Variants in DPP6 observed in about 807,000 individuals in gnomAD.
The protein encoded by DPP6 is A-type potassium channel modulatory protein DPP6.
In DPP6, 69 loss-of-function variants were observed where a neutral mutation model predicts 122.6. The observed-to-expected ratio is 0.56, with a 90% CI of 0.46 to 0.69. The LOEUF is 0.69. DPP6 is among the 30% of genes least tolerant of loss of function. The probability of loss-of-function intolerance (pLI) is 0.00; values close to 1 mark genes in which losing one functional copy is unlikely to be tolerated. For synonymous variants in DPP6, 418 were observed against 433.1 expected (o/e 0.97, Z 0.43); for missense variants, 928 against 1,116.9 (o/e 0.83, Z 2.41).
chr7:154,182,172 T>C (rs932057966), intron 1 of DPP6, among the ~76,000 whole-genome samples: 4 of 152,148 alleles, frequency 2.6e-5, no homozygotes, highest in Non-Finnish European at 5.9e-5. Flanking sequence ...CTTAGGAAAT[T>C]GCAAAATACC....
rs539094310 is a variant in DPP6 at position 154,875,986 on chromosome 7, C to T, written c.1964C>T (p.Ala655Val). The T allele has an allele frequency of 3.2e-5, 52 of 1,613,586 alleles. No homozygotes were observed. In the East Asian group the frequency reaches 5.8e-4, roughly 18 times the overall value. ...WETVMVSSHG[A>V]VVVKCDGRGS... ...ACGGTGATGGTGAGCAGCCACGGCGCGGTGGTGGTAAAGTGTGACGGCCGT... is the reference window on the plus strand; with the variant it reads ...ACGGTGATGGTGAGCAGCCACGGCGTGGTGGTGGTAAAGTGTGACGGCCGT... Residue 655 changes from alanine to valine, a missense_variant, in exon 20 of 26, where the codon GCG (alanine) becomes GTG (valine). Transcript: ENST00000377770. This position sits in a 1 kb window ranked among gnomAD's most constrained non-coding sequence, Gnocchi z 4.5.
Position 154,875,161 on chromosome 7 carries a change from G to T in DPP6, c.1884-745G>T, listed in dbSNP as rs73487835. On this transcript the variant is annotated intron_variant, in intron 19 of 25. Coordinates refer to ENST00000377770, the MANE Select transcript of DPP6 (RefSeq NM_130797.4). This position sits in a 1 kb window ranked among gnomAD's most constrained non-coding sequence, Gnocchi z 4.5. ...AGAGAGAGAGAAGGAAAGAAGGAGG[G>T]GAGGGAGGGAGGAAGGGAGGGAACA... Among the ~76,000 whole-genome samples, 1 of 151,974 alleles carries T rather than the reference G, an allele frequency of 6.6e-6. No homozygotes were observed. Among genetic ancestry groups the T allele is most frequent in the South Asian group, 2.1e-4 (1 of 4,816 alleles).
intron 1 of DPP6, among the ~76,000 whole-genome samples, chr7:154,341,159 G>A (rs966493296): frequency 6.6e-6 from 1 of 152,122 alleles, no homozygotes; most frequent in African/African-American, 2.4e-5. Flanking sequence ...TTGGCATTTA[G>A]AAAACATCAA....
In DPP6 at chr7:154,807,115, C is replaced by G. The variant is rs1798746987; in HGVS notation, c.1666+3C>G. The G allele has an allele frequency of 2.5e-6, 4 of 1,612,070 alleles. No individual in the cohort carries two copies. Among genetic ancestry groups the G allele is most frequent in the East Asian group, 2.2e-5 (1 of 44,834 alleles). On this transcript the variant is annotated splice_donor_region_variant and intron_variant, in intron 16 of 25. Coordinates refer to ENST00000377770, the MANE Select transcript of DPP6 (RefSeq NM_130797.4). ...CTTCTTCCTGCTCAAGTGCGAAGGT[C>G]AGCTCCTGCCACCCCGTCAGGGCAA...
At chr7:153,810,653 TCCCTCTC>T in the DPP6 span, among the ~76,000 whole-genome samples, 31 of 65,424 alleles carry the variant, frequency 4.7e-4, no homozygotes, top group African/African-American at 7.7e-4. Flanking sequence ...TCCAAATCGC[TCCCTCTC>T]CTCTCTCTCT....
chr7:154,324,869 T>TA (rs1309979952), intron 1 of DPP6, among the ~76,000 whole-genome samples: 1 of 140,624 alleles, frequency 7.1e-6, no homozygotes, highest in Non-Finnish European at 1.5e-5. Flanking sequence ...CTTTTGTTAT[T>TA]TTTTTTTTTT....
the DPP6 span, among the ~76,000 whole-genome samples, chr7:153,829,308 C>A: frequency 1.6e-4 from 24 of 152,062 alleles, no homozygotes; most frequent in African/African-American, 4.6e-4. Flanking sequence ...CTCCACTTCC[C>A]GGGTTCAAGC....
chr7:154,613,458 G>C (rs891177932), intron 5 of DPP6, among the ~76,000 whole-genome samples: 1 of 151,300 alleles, frequency 6.6e-6, no homozygotes, highest in African/African-American at 2.4e-5. Context: ...CGTCTCTACT[G>C]AAAATACAAA....
intron 1 of DPP6, among the ~76,000 whole-genome samples, chr7:154,208,973 A>T (rs1366516249): frequency 1.3e-5 from 2 of 152,194 alleles, no homozygotes; most frequent in Non-Finnish European, 2.9e-5. Flanking sequence ...GGACACACAC[A>T]CTCAGAGCAT....
intron 1 of DPP6, among the ~76,000 whole-genome samples, chr7:154,071,266 T>C (rs2907736): frequency 6.6e-6 from 1 of 152,048 alleles, no homozygotes; most frequent in African/African-American, 2.4e-5. Context: ...AGGCATTTTC[T>C]CTTTCTTTAT....
chr7:154,847,221 G>A (rs968513543), intron 16 of DPP6, among the ~76,000 whole-genome samples: 1 of 152,098 alleles, frequency 6.6e-6, no homozygotes, highest in Admixed American at 6.6e-5. Context: ...CTCTTGTAGT[G>A]GCCAGACTAG....
chr7:153,963,707 G>A (rs71545676), intron 1 of DPP6, among the ~76,000 whole-genome samples: 1 of 152,150 alleles, frequency 6.6e-6, no homozygotes, highest in Non-Finnish European at 1.5e-5. Context: ...CAAGAGATCT[G>A]GGTTGCATGC....
intron 16 of DPP6, 85 bp downstream of exon 16, chr7:154,807,197 C>G: frequency 6.6e-7 from 1 of 1,522,614 alleles, no homozygotes; most frequent in Non-Finnish European, 8.8e-7. Context: ...AGGGAGGGGG[C>G]AGCGGCTGTG....
rs759291441 is a variant in DPP6, at chr7:154,566,851, A to C, written c.562A>C (p.Arg188=). ...LIEGKKIESL[R]AIRYEISPDR... is the part of the protein sequence containing the mutation. ...CTATTTTTTCTTTTAGGAATCATTAAGAGCCATCAGATATGAAATATCTCC... is the reference window on the plus strand; with the variant it reads ...CTATTTTTTCTTTTAGGAATCATTACGAGCCATCAGATATGAAATATCTCC... The change falls in exon 5 of 26, where the codon AGA becomes CGA. Residue 188 remains arginine, a synonymous_variant. Transcript: ENST00000377770. 124 of 1,587,962 alleles carry C rather than the reference A, an allele frequency of 7.8e-5. No individual in the cohort carries two copies. In the South Asian group the frequency reaches 1.0e-3, roughly 13 times the overall value.
chr7:154,078,385 C>T (rs1374324539), intron 1 of DPP6, among the ~76,000 whole-genome samples: 1 of 144,072 alleles, frequency 6.9e-6, no homozygotes, highest in African/African-American at 2.6e-5. Flanking sequence ...CACACACACA[C>T]ACACCATTTT....
intron 4 of DPP6, among the ~76,000 whole-genome samples, chr7:154,560,428 T>C (rs530274362): frequency 6.6e-6 from 1 of 152,302 alleles, no homozygotes. Flanking sequence ...TAATATAGGG[T>C]GGACTATAAC....
Position 154,360,450 on chromosome 7 carries a change from G to A in DPP6, c.244-85764G>A, listed in dbSNP as rs146067265. Among the ~76,000 whole-genome samples the A allele has an allele frequency of 3.8e-3, 581 of 152,222 alleles. 1 individual carries two copies. The highest frequency in any genetic ancestry group is 6.0e-3 in the Non-Finnish European group (406 of 68,028). ...CTGGGGCCAGCTTGACCTCAAACCC[G>A]TACAAGATGATCGTTCCAGACAGAG... is the stretch of plus-strand genomic sequence containing the variant. On this transcript the variant is annotated intron_variant, in intron 1 of 25. Transcript: ENST00000377770.
intron 1 of DPP6, among the ~76,000 whole-genome samples, chr7:154,082,850 T>TTTC (rs1563180839): frequency 0.014 from 323 of 22,874 alleles, 5 homozygotes; most frequent in African/African-American, 0.073. Context: ...CTTTTTCTTT[T>TTTC]TTTTTTTTTT....
chr7:153,982,612 G>A (rs1230152221), intron 1 of DPP6, among the ~76,000 whole-genome samples: 1 of 151,876 alleles, frequency 6.6e-6, no homozygotes, highest in African/African-American at 2.4e-5. Context: ...TCCTTTGGAG[G>A]AGAAGAGGAA....
Sources: gnomAD v4.1 joint callset for allele counts (sites outside exome capture counted in the v4.1 genomes callset) on GRCh38, gnomAD v4.1.1 for gene constraint, Gnocchi (gnomAD v3.1) non-coding constraint, MANE v1.5 for transcripts, NCBI Gene and HGNC (gene_info 2026-07-23, HGNC 2026-07-21) for gene names.